Variants in ASB10 observed in about 807,000 individuals in gnomAD.
ASB10 encodes ankyrin repeat and SOCS box containing 10, also known as ankyrin repeat and SOCS box protein 10.
ASB10 carries 44 observed loss-of-function variants against 35.4 expected under a neutral mutation model. The ratio of observed to expected loss-of-function variants is 1.24; its 90% CI spans 0.98 to 1.60. The LOEUF (loss-of-function observed/expected upper bound fraction) is 1.60. Ranked by LOEUF, ASB10 falls within the 40% of genes most tolerant of loss-of-function variation. The probability of loss-of-function intolerance (pLI) is 0.00; values close to 1 mark genes in which losing one functional copy is unlikely to be tolerated. For synonymous variants in ASB10, 294 were observed against 280.4 expected (o/e 1.05, Z -0.49); for missense variants, 647 against 634.3 (o/e 1.02, Z -0.22).
chr7:151,184,285 C>T (rs1056287009), intron 2 of ASB10, among the ~76,000 whole-genome samples: 4 of 151,764 alleles, frequency 2.6e-5, no homozygotes, highest in South Asian at 2.1e-4. Flanking sequence ...CGGTGGTGGG[C>T]GCCTGTAGTT....
At chr7:151,176,019 G>T (rs1801378511) in intron 5 of ASB10, 53 bp from the exon 6 acceptor site, 1 of 1,445,844 alleles carries the variant, frequency 6.9e-7, no homozygotes, top group Non-Finnish European at 9.3e-7. Context: ...GGACGGGCCG[G>T]TTCTGGCTAG....
intron 3 of ASB10, among the ~76,000 whole-genome samples, chr7:151,177,307 T>C (rs1452023599): frequency 6.6e-6 from 1 of 152,254 alleles, no homozygotes; most frequent in Non-Finnish European, 1.5e-5. Context: ...ACTGTTAATA[T>C]CCCATGTTAT....
At chr7:151,185,050 T>A (rs1584817739) in intron 2 of ASB10, among the ~76,000 whole-genome samples, 1 of 151,776 alleles carries the variant, frequency 6.6e-6, no homozygotes, top group Non-Finnish European at 1.5e-5. Context: ...TAAAAAATGG[T>A]TACAAAGGCA....
At chr7:151,185,356 C>A (rs565667464) in intron 2 of ASB10, among the ~76,000 whole-genome samples, 1 of 152,180 alleles carries the variant, frequency 6.6e-6, no homozygotes, top group African/African-American at 2.4e-5. Context: ...TGGCCTCAAG[C>A]AAGCCACCTG....
chr7:151,180,415 AC>A (rs1268112226), intron 3 of ASB10, among the ~76,000 whole-genome samples: 1 of 152,180 alleles, frequency 6.6e-6, no homozygotes, highest in Non-Finnish European at 1.5e-5. Flanking sequence ...CCATTTACAG[AC>A]ATTCAGGGGA....
At chr7:151,178,005 T>C (rs943161714) in intron 3 of ASB10, among the ~76,000 whole-genome samples, 3 of 152,200 alleles carry the variant, frequency 2.0e-5, no homozygotes, top group Non-Finnish European at 2.9e-5. Context: ...CCCAGCGCTT[T>C]GGGAGGCCGA....
Position 151,187,191 on chromosome 7 carries a change from G to GAC in ASB10, c.-62_-61insGT. The GAC allele has an allele frequency of 6.5e-7, 1 of 1,549,700 alleles. No homozygotes were observed. The highest frequency in any genetic ancestry group is 1.4e-5 in the African/African-American group (1 of 73,152). The stretch of plus-strand genomic sequence containing the variant: ...TATATGCCAAAGGCAGAGAGAGAGA[G>GAC]AGAGAGCAGGAGGGAAATACAGACA... On this transcript the variant is annotated 5_prime_UTR_variant, in exon 1 of 6. Coordinates refer to ENST00000420175, the MANE Select transcript of ASB10 (RefSeq NM_001142459.2). This position sits in a 1 kb window ranked among gnomAD's most constrained non-coding sequence, Gnocchi z 5.3.
chr7:151,180,237 G>A (rs1192814076), intron 3 of ASB10, among the ~76,000 whole-genome samples: 2 of 152,248 alleles, frequency 1.3e-5, no homozygotes, highest in Non-Finnish European at 2.9e-5. Flanking sequence ...CCCCCTCACA[G>A]GGCATCAGTA....
intron 2 of ASB10, among the ~76,000 whole-genome samples, chr7:151,181,748 G>T (rs962499678): frequency 3.9e-5 from 6 of 151,982 alleles, no homozygotes; most frequent in Non-Finnish European, 8.8e-5. Context: ...GAGTAGCTGG[G>T]ATTACAGGCT....
chr7:151,184,305 C>T (rs895783714), intron 2 of ASB10, among the ~76,000 whole-genome samples: 2 of 151,328 alleles, frequency 1.3e-5, no homozygotes, highest in Non-Finnish European at 2.9e-5. Flanking sequence ...TCCAGCTACT[C>T]GGGAGGCTGA....
At chr7:151,187,771 G>T, upstream of ASB10, 1 of 1,449,494 alleles carries the variant, frequency 6.9e-7, no homozygotes, top group Non-Finnish European at 9.1e-7. The surrounding 1 kb of genome is among the most constrained non-coding windows in gnomAD (Gnocchi z 5.3). Flanking sequence ...CGATGTTGCT[G>T]GTGGACTGGG....
chr7:151,176,635 G>A lies in ASB10; in HGVS notation c.1146C>T (p.Val382=). 1 of 1,551,462 alleles carries A rather than the reference G, an allele frequency of 6.4e-7. No individual in the cohort carries two copies. The highest frequency in any genetic ancestry group is 8.7e-7 in the Non-Finnish European group (1 of 1,146,968). ...GCACAACACTGTAGGTGTTCATCAGGACCTCGATGGTCCGAGGGCACGTGC... is the reference window on the plus strand; with the variant it reads ...GCACAACACTGTAGGTGTTCATCAGAACCTCGATGGTCCGAGGGCACGTGC... ...RWSTCPRTIE[V]LMNTYSVVQL... is the part of the protein sequence containing the mutation. Residue 382 remains valine (V), a synonymous_variant, in exon 4 of 6, where the codon GTC becomes GTT. Coordinates refer to ENST00000420175, the MANE Select transcript of ASB10 (RefSeq NM_001142459.2).
In ASB10 at chr7:151,175,972, A is replaced by C; in HGVS notation, c.*1-6T>G. ...TCTCAAAAGGCCATGGACATCTGGA[A>C]GGAGAGGTTTGGATTCAGAGGCTTC... On this transcript the variant is annotated splice_region_variant and splice_polypyrimidine_tract_variant and intron_variant, in intron 5 of 5. Coordinates refer to ENST00000420175, the MANE Select transcript of ASB10 (RefSeq NM_001142459.2). The C allele has an allele frequency of 1.8e-6, 2 of 1,092,464 alleles. No individual in the cohort carries two copies. The highest frequency in any genetic ancestry group is 2.5e-6 in the Non-Finnish European group (2 of 790,310). 67.7% of individuals were successfully genotyped at this position (1,092,464 alleles called of 1,614,324 possible). A position where few individuals can be genotyped will look rare whatever the true frequency, so the allele number is the denominator to read the frequency against.
chr7:151,182,546 C>G (rs961568982), intron 2 of ASB10, among the ~76,000 whole-genome samples: 5 of 152,076 alleles, frequency 3.3e-5, no homozygotes, highest in Admixed American at 2.6e-4. Flanking sequence ...CCACTACACT[C>G]CAGCTTGGGT....
chr7:151,180,810 T>C lies in ASB10; in HGVS notation c.1104+129A>G, dbSNP rs143224887. 61 of 1,401,340 alleles carry C rather than the reference T, an allele frequency of 4.4e-5. No homozygotes were observed. In the African/African-American group the frequency reaches 8.2e-4, roughly 19 times the overall value. The allele number at this position is 1,401,340 out of a possible 1,614,324, so 86.8% of individuals were successfully genotyped here. A position where few individuals can be genotyped will look rare whatever the true frequency, so the allele number is the denominator to read the frequency against. ...CCCTATTTGGGCTTTGCTTACATGC[T>C]GAATGAAAGACAGACAGAAGGAACC... On this transcript the variant is annotated intron_variant, in intron 3 of 5. Coordinates refer to ENST00000420175, the MANE Select transcript of ASB10 (RefSeq NM_001142459.2).
intron 3 of ASB10, among the ~76,000 whole-genome samples, chr7:151,177,405 C>T (rs545843714): frequency 6.6e-6 from 1 of 152,350 alleles, no homozygotes; most frequent in South Asian, 2.1e-4. Context: ...ACAGTCCAGG[C>T]CTGGAAGCGT....
intron 2 of ASB10, 62 bp downstream of exon 2, chr7:151,186,330 T>G: frequency 5.3e-6 from 8 of 1,497,722 alleles, no homozygotes; most frequent in Non-Finnish European, 7.2e-6. Flanking sequence ...CCATCCTCCC[T>G]GAGAAGGCCT....
At chr7:151,187,721 A>G, upstream of ASB10, 1 of 1,467,602 alleles carries the variant, frequency 6.8e-7, no homozygotes, top group Non-Finnish European at 9.1e-7. This position sits in a 1 kb window ranked among gnomAD's most constrained non-coding sequence, Gnocchi z 5.3. Context: ...TCCCCAGGGC[A>G]TGGCTTGTTC....
chr7:151,176,784 A>T, intron 3 of ASB10, 108 bp from the exon 4 acceptor site: 1 of 753,648 alleles, frequency 1.3e-6, no homozygotes, highest in South Asian at 1.7e-5. Flanking sequence ...GATATATTGA[A>T]GACCTATCCC....
Sources: gnomAD v4.1 joint callset for allele counts (sites outside exome capture counted in the v4.1 genomes callset) on GRCh38, gnomAD v4.1.1 for gene constraint, Gnocchi (gnomAD v3.1) non-coding constraint, MANE v1.5 for transcripts, NCBI Gene and HGNC (gene_info 2026-07-23, HGNC 2026-07-21) for gene names.